The following LMCD1 variants were observed in gnomAD, a reference collection of about 807,000 sequenced individuals.
The protein encoded by LMCD1 is LIM and cysteine-rich domains protein 1.
LMCD1 carries 32 observed loss-of-function variants against 42.7 expected under a neutral mutation model. The ratio of observed to expected loss-of-function variants is 0.75; its 90% CI spans 0.57 to 1.01. LMCD1 has a LOEUF of 1.01. Among genes scored for constraint, LMCD1 ranks in the 50% least tolerant of loss-of-function variants. The pLI, the probability that LMCD1 is intolerant of heterozygous loss-of-function variation, is 0.00. For missense variants in LMCD1, 458 were observed against 483.1 expected, an observed-to-expected ratio of 0.95 and a Z score of 0.49; for synonymous variants, 178 against 184.9, an observed-to-expected ratio of 0.96 and a Z score of 0.30.
chr3:8,544,498 C>T (rs942752640), intron 3 of LMCD1, among the ~76,000 whole-genome samples: 1 of 152,172 alleles, frequency 6.6e-6, no homozygotes, highest in Non-Finnish European at 1.5e-5. Context: ...GGGGCGTCTG[C>T]AGCCACCCCT....
intron 2 of LMCD1, among the ~76,000 whole-genome samples, chr3:8,533,172 G>A (rs1055898963): frequency 7.9e-5 from 12 of 152,108 alleles, no homozygotes; most frequent in African/African-American, 2.7e-4. Flanking sequence ...TTTGGTGGAT[G>A]GGGTGATCTC....
rs779651263 is a variant in LMCD1, at chr3:8,501,946, A to C, written c.8A>C (p.Lys3Thr). MA[K>T]VAKDLNPGVK... ...CCCCCACCCCAGAAGAGGATGGCAA[A>C]GGTGGCTAAGGACCTCAACCCAGGA... Residue 3 changes from lysine (K) to threonine (T), a missense_variant, in exon 1 of 6, where the codon AAG becomes ACG. Lys to Thr is a moderately conservative substitution (Grantham distance 78, BLOSUM62 -1). Transcript: ENST00000157600. 6.3e-7 allele frequency: 1 copy of C among 1,594,080 alleles called. No homozygotes were observed. Among genetic ancestry groups the C allele is most frequent in the Admixed American group, 1.8e-5 (1 of 57,088 alleles).
At position 8,572,946 on chromosome 3, in the gene LMCD1, C is replaced by T. The variant is rs148918448; in HGVS notation, c.*5348C>T. Reference sequence around the variant, plus strand: ...CATCTTAGAACCTTAAGGAGACAAGCGAACCAAGCCAATAAGCTTTCCATG... The same window carrying T: ...CATCTTAGAACCTTAAGGAGACAAGTGAACCAAGCCAATAAGCTTTCCATG... On this transcript the variant is annotated 3_prime_UTR_variant, in exon 6 of 6. Transcript: ENST00000157600. 1.2e-3 allele frequency: 180 copies of T among 152,258 alleles called. 1 individual carries two copies. The highest frequency in any genetic ancestry group is 4.2e-3 in the African/African-American group (174 of 41,550). The allele number at this position is 152,258 out of a possible 1,614,324, so 9.4% of individuals were successfully genotyped here. A position where few individuals can be genotyped will look rare whatever the true frequency, so the allele number is the denominator to read the frequency against.
chr3:8,526,608 T>G (rs1356715592), intron 1 of LMCD1, among the ~76,000 whole-genome samples: 1 of 152,188 alleles, frequency 6.6e-6, no homozygotes, highest in African/African-American at 2.4e-5. Context: ...AACAGCGATG[T>G]CTGGGCCCCA....
Position 8,571,809 on chromosome 3 carries a change from C to T in LMCD1, c.*4211C>T, listed in dbSNP as rs970532904. ...TTCTTTTGATAGAATGTCAAACTTA[C>T]GAAAAAAGTTACAAGAAGAGAACAA... On this transcript the variant is annotated 3_prime_UTR_variant, in exon 6 of 6. Coordinates refer to ENST00000157600, the MANE Select transcript of LMCD1 (RefSeq NM_014583.4). 5.5e-4 allele frequency: 84 copies of T among 152,260 alleles called. No individual in the cohort carries two copies. Among genetic ancestry groups the T allele is most frequent in the African/African-American group, 1.9e-3 (80 of 41,542 alleles). 9.4% of individuals were successfully genotyped at this position (152,260 alleles called of 1,614,324 possible). A position where few individuals can be genotyped will look rare whatever the true frequency, so the allele number is the denominator to read the frequency against.
Position 8,501,979 on chromosome 3 carries a change from A to G in LMCD1, c.41A>G (p.Lys14Arg). Residue 14 changes from lysine (K) to arginine (R), a missense_variant and splice_region_variant, in exon 1 of 6, where the codon AAG becomes AGG. Transcript: ENST00000157600. ...VAKDLNPGVK[K>R]MSLGQLQSAR... ...AAGGACCTCAACCCAGGAGTTAAAA[A>G]GGTGAGTGGAAAGCTGTTTGTATTT... 1 of 1,591,066 alleles carries G rather than the reference A, an allele frequency of 6.3e-7. No individual in the cohort carries two copies. The highest frequency in any genetic ancestry group is 1.8e-5 in the Admixed American group (1 of 56,760).
At chr3:8,547,885 C>CA (rs60376714) in intron 3 of LMCD1, among the ~76,000 whole-genome samples, 16,775 of 146,972 alleles carry the variant, frequency 0.11, 1,082 homozygotes, top group South Asian at 0.22. Flanking sequence ...GACTCCATCT[C>CA]AAAAAAAAAA....
At position 8,502,080 on chromosome 3, in the gene LMCD1, C is replaced by T. The variant is rs534070198; in HGVS notation, c.42+100C>T. 5 of 1,069,024 alleles carry T rather than the reference C, an allele frequency of 4.7e-6. No individual in the cohort carries two copies. The East Asian group carries it at 8.4e-5, about 18-fold the overall frequency. 66.2% of individuals were successfully genotyped at this position (1,069,024 alleles called of 1,614,324 possible). A position where few individuals can be genotyped will look rare whatever the true frequency, so the allele number is the denominator to read the frequency against. On this transcript the variant is annotated intron_variant, in intron 1 of 5. Transcript: ENST00000157600. ...TTCCCAAAAGGTAATGAGAAGGGAA[C>T]TCTTTAAATTCCAAAACTGCATGGA...
rs140821327 is a variant in LMCD1, at chr3:8,537,304, G to C, written c.251G>C (p.Arg84Pro). The change falls in exon 3 of 6, where the codon CGG (arginine) becomes CCG (proline). Residue 84 changes from arginine to proline, a missense_variant. By Grantham distance (103) the Arg-to-Pro change is moderately radical. Coordinates refer to ENST00000157600, the MANE Select transcript of LMCD1 (RefSeq NM_014583.4). ...MDSKYSTLTA[R>P]VKGGDGIRIY... ...TCCAAGTATTCCACCCTCACTGCTCGGGTGAAAGGCGGGGACGGCATCCGG... is the reference window on the plus strand; with the variant it reads ...TCCAAGTATTCCACCCTCACTGCTCCGGTGAAAGGCGGGGACGGCATCCGG... 1.2e-6 allele frequency: 2 copies of C among 1,614,110 alleles called. No homozygotes were observed. The highest frequency in any genetic ancestry group is 1.7e-6 in the Non-Finnish European group (2 of 1,180,030).
intron 1 of LMCD1, among the ~76,000 whole-genome samples, chr3:8,511,984 A>C (rs1694010638): frequency 1.3e-5 from 2 of 152,216 alleles, no homozygotes; most frequent in African/African-American, 4.8e-5. Flanking sequence ...AGGTAGCCAA[A>C]AATATGCAAT....
chr3:8,514,557 G>T (rs569379664), intron 1 of LMCD1, among the ~76,000 whole-genome samples: 36 of 152,250 alleles, frequency 2.4e-4, no homozygotes, highest in African/African-American at 8.2e-4. Flanking sequence ...AAAATTTTGG[G>T]CAAAAATATT....
intron 1 of LMCD1, among the ~76,000 whole-genome samples, chr3:8,520,227 C>G (rs1270389029): frequency 6.6e-6 from 1 of 152,088 alleles, no homozygotes; most frequent in Non-Finnish European, 1.5e-5. Context: ...CATGCATGCA[C>G]AAACACACAC....
chr3:8,550,934 G>GGC, intron 4 of LMCD1: 1 of 985,410 alleles, frequency 1.0e-6, no homozygotes, highest in Non-Finnish European at 1.2e-6. Context: ...GTGGAACAAA[G>GGC]GCAAAGGCAG....
intron 4 of LMCD1, among the ~76,000 whole-genome samples, chr3:8,559,945 G>C (rs1443869309): frequency 6.6e-6 from 1 of 152,250 alleles, no homozygotes; most frequent in Non-Finnish European, 1.5e-5. Context: ...AGAACAGTGA[G>C]GGAAGAAATG....
At chr3:8,525,569 T>G (rs2197901) in intron 1 of LMCD1, among the ~76,000 whole-genome samples, 66,748 of 152,090 alleles carry the variant, frequency 0.44, 15,439 homozygotes, top group Non-Finnish European at 0.51. Flanking sequence ...TTCATTTCCT[T>G]TGGATGTATA....
chr3:8,522,477 C>T (rs1694225101), intron 1 of LMCD1, among the ~76,000 whole-genome samples: 1 of 152,202 alleles, frequency 6.6e-6, no homozygotes, highest in Non-Finnish European at 1.5e-5. Context: ...GTGATTGGAA[C>T]AGAGACTTCA....
intron 1 of LMCD1, among the ~76,000 whole-genome samples, chr3:8,521,810 G>T (rs1291354980): frequency 6.6e-6 from 1 of 152,172 alleles, no homozygotes; most frequent in African/African-American, 2.4e-5. Flanking sequence ...GATTCGGTTG[G>T]TAGACCAGAT....
intron 1 of LMCD1, among the ~76,000 whole-genome samples, chr3:8,506,890 C>T (rs1281894136): frequency 6.6e-6 from 1 of 152,146 alleles, no homozygotes; most frequent in Non-Finnish European, 1.5e-5. Flanking sequence ...TCCTTTACAC[C>T]AGATCATCTC....
At chr3:8,550,742 C>G in intron 4 of LMCD1, 1 of 985,110 alleles carries the variant, frequency 1.0e-6, no homozygotes, top group Non-Finnish European at 1.2e-6. Flanking sequence ...CCCGCCCCAC[C>G]CTGATCCTGG....
Sources: gnomAD v4.1 joint callset for allele counts (sites outside exome capture counted in the v4.1 genomes callset) on GRCh38, gnomAD v4.1.1 for gene constraint, MANE v1.5 for transcripts, NCBI Gene and HGNC (gene_info 2026-07-23, HGNC 2026-07-21) for gene names.